Variants in NFAT5 observed in about 807,000 individuals in gnomAD.
NFAT5 encodes nuclear factor of activated T-cells 5.
A neutral mutation model predicts 166.5 loss-of-function variants in NFAT5; 31 were observed. The ratio of observed to expected loss-of-function variants is 0.19; its 90% CI spans 0.14 to 0.25. The LOEUF is 0.25. NFAT5 is among the 10% of genes least tolerant of loss of function. NFAT5 has a pLI of 1.00. For missense variants in NFAT5, 1,449 were observed against 1,821.8 expected (o/e 0.80, Z 3.72); for synonymous variants, 612 against 639.7 (o/e 0.96, Z 0.65).
At chr16:69,652,986 G>C (rs779128003) in intron 4 of NFAT5, among the ~76,000 whole-genome samples, 5 of 151,918 alleles carry the variant, frequency 3.3e-5, no homozygotes, top group Non-Finnish European at 7.4e-5. Flanking sequence ...ACTCACATAC[G>C]TTCATTTTCT....
chr16:69,688,383 T>G (rs2037414317), intron 11 of NFAT5, among the ~76,000 whole-genome samples: 1 of 151,840 alleles, frequency 6.6e-6, no homozygotes, highest in South Asian at 2.1e-4. Context: ...TATTTATTAT[T>G]ATTATTATTT....
chr16:69,649,058 A>G (rs1184822465), intron 4 of NFAT5: 1 of 859,588 alleles, frequency 1.2e-6, no homozygotes, highest in Non-Finnish European at 1.4e-6. Flanking sequence ...AGAAAATAAG[A>G]TATACTCTTT....
intron 2 of NFAT5, among the ~76,000 whole-genome samples, chr16:69,581,805 ATATT>A (rs530392611): frequency 9.6e-4 from 146 of 152,308 alleles, no homozygotes; most frequent in African/African-American, 3.3e-3. Flanking sequence ...TAAAAATTAT[ATATT>A]TATCATGTAC....
chr16:69,568,766 GA>G (rs928617014), intron 2 of NFAT5, among the ~76,000 whole-genome samples: 38 of 150,252 alleles, frequency 2.5e-4, no homozygotes, highest in African/African-American at 8.3e-4. Context: ...GAGAAACATT[GA>G]AAAAAAAATC....
intron 14 of NFAT5, 45 bp downstream of exon 14, chr16:69,695,424 A>T: frequency 1.5e-6 from 2 of 1,366,080 alleles, no homozygotes; most frequent in Non-Finnish European, 2.1e-6. Flanking sequence ...ATCAGATTTT[A>T]TTCTTCTTAA....
chr16:69,642,678 G>A (rs772937731), intron 3 of NFAT5, among the ~76,000 whole-genome samples: 20 of 151,878 alleles, frequency 1.3e-4, no homozygotes, highest in African/African-American at 4.4e-4. Flanking sequence ...TTAGCCGGAC[G>A]TGGTGGCGGG....
At chr16:69,571,729 A>G (rs1340036554) in intron 2 of NFAT5, among the ~76,000 whole-genome samples, 2 of 151,782 alleles carry the variant, frequency 1.3e-5, no homozygotes, top group Non-Finnish European at 2.9e-5. Context: ...AAGGTTGGAA[A>G]ACCTGCACTT....
At chr16:69,689,927 A>G (rs1041138445) in intron 11 of NFAT5, among the ~76,000 whole-genome samples, 2 of 152,212 alleles carry the variant, frequency 1.3e-5, no homozygotes, top group Non-Finnish European at 2.9e-5. Context: ...CCATTTTAAA[A>G]GCTTCTTTAT....
chr16:69,594,304 A>G (rs7187967), intron 2 of NFAT5, among the ~76,000 whole-genome samples: 1 of 152,244 alleles, frequency 6.6e-6, no homozygotes, highest in African/African-American at 2.4e-5. Flanking sequence ...AATACTGTAG[A>G]CAATTGTAAC....
rs553940484 is a variant in NFAT5, at chr16:69,578,100, G to T, written c.127+9552G>T. On this transcript the variant is annotated intron_variant, in intron 2 of 14. Transcript: ENST00000349945. ...CAGCTATTTATGTAGCACTTACATT[G>T]TATTAGGTATAAGTAATCTAGAGAT... Among the ~76,000 whole-genome samples the T allele has an allele frequency of 3.9e-5, 6 of 152,112 alleles. No individual in the cohort carries two copies. The South Asian group carries it at 6.2e-4, about 16-fold the overall frequency.
intron 3 of NFAT5, among the ~76,000 whole-genome samples, chr16:69,642,169 C>T (rs928044703): frequency 1.3e-5 from 2 of 152,118 alleles, no homozygotes; most frequent in African/African-American, 4.8e-5. Flanking sequence ...ATTGCAGATT[C>T]TGGGATATTC....
intron 7 of NFAT5, among the ~76,000 whole-genome samples, chr16:69,669,689 G>C (rs1351771214): frequency 6.6e-6 from 1 of 152,208 alleles, no homozygotes; most frequent in African/African-American, 2.4e-5. Context: ...ACAAAACTCA[G>C]TGGCTTACAA....
At chr16:69,691,117 T>G in intron 12 of NFAT5, 29 bp downstream of exon 12, 1 of 1,476,726 alleles carries the variant, frequency 6.8e-7, no homozygotes. Context: ...TGCACAAACC[T>G]CCTATATAAA....
At chr16:69,691,121 A>T in intron 12 of NFAT5, 33 bp downstream of exon 12, 1 of 1,470,670 alleles carries the variant, frequency 6.8e-7, no homozygotes, top group Non-Finnish European at 9.0e-7. Flanking sequence ...CAAACCTCCT[A>T]TATAAAAATT....
chr16:69,573,102 A>C (rs2016534975), intron 2 of NFAT5, among the ~76,000 whole-genome samples: 2 of 152,178 alleles, frequency 1.3e-5, no homozygotes. Flanking sequence ...TGGCTTCCCA[A>C]AAGTGCTAGG....
intron 4 of NFAT5, among the ~76,000 whole-genome samples, chr16:69,652,918 C>T (rs538626410): frequency 1.3e-5 from 2 of 152,258 alleles, no homozygotes; most frequent in East Asian, 3.9e-4. Flanking sequence ...GTGACATTAG[C>T]TATTCTTTCC....
At chr16:69,677,072 A>G in intron 9 of NFAT5, 131 bp from the exon 10 acceptor site, 1 of 844,812 alleles carries the variant, frequency 1.2e-6, no homozygotes, top group Non-Finnish European at 1.8e-6. Context: ...TGTGAACCTG[A>G]GCTTTAAAAT....
intron 13 of NFAT5, 64 bp downstream of exon 13, chr16:69,694,303 C>T: frequency 7.7e-7 from 1 of 1,300,704 alleles, no homozygotes; most frequent in South Asian, 1.4e-5. Flanking sequence ...AAGCAGAGTG[C>T]AGTGGTGCGA....
chr16:69,608,070 ATTGGCCGGTCACG>A (rs1416199400), intron 2 of NFAT5, among the ~76,000 whole-genome samples: 2 of 152,086 alleles, frequency 1.3e-5, no homozygotes, highest in Non-Finnish European at 2.9e-5. Context: ...AAACTACTTT[ATTGGCCGGTCACG>A]GTGGCTCACG....
Sources: allele counts gnomAD v4.1 joint callset (sites outside exome capture counted in the v4.1 genomes callset), GRCh38; gene constraint gnomAD v4.1.1; transcripts MANE v1.5; gene names NCBI Gene and HGNC (gene_info 2026-07-23, HGNC 2026-07-21).